MYOM2: variants seen among roughly 807,000 people sequenced by gnomAD.
The protein encoded by MYOM2 is myomesin-2.
In MYOM2, 254 loss-of-function variants were observed where a neutral mutation model predicts 187.6. The ratio of observed to expected loss-of-function variants is 1.35; its 90% CI spans 1.22 to 1.50. The LOEUF (loss-of-function observed/expected upper bound fraction) is 1.50, where lower values mean the gene tolerates loss of function less well. MYOM2 is among the 40% of genes most tolerant of loss of function. The pLI is 0.00. For missense variants in MYOM2, 2,796 were observed against 1,924.0 expected, an observed-to-expected ratio of 1.45 and a Z score of -8.48; for synonymous variants, 981 against 753.8, an observed-to-expected ratio of 1.30 and a Z score of -4.94.
chr8:2,065,317 TC>T (rs1818981265), intron 6 of MYOM2, among the ~76,000 whole-genome samples: 1 of 152,158 alleles, frequency 6.6e-6, no homozygotes, highest in African/African-American at 2.4e-5. Context: ...ATGCCTGTAA[TC>T]CCAGCATGTT....
chr8:2,075,148 T>A (rs1819374409), intron 10 of MYOM2, among the ~76,000 whole-genome samples: 1 of 152,142 alleles, frequency 6.6e-6, no homozygotes, highest in African/African-American at 2.4e-5. Context: ...ACCAAACGTA[T>A]CTCACCCTCC....
intron 25 of MYOM2, among the ~76,000 whole-genome samples, chr8:2,114,014 G>A (rs1254647524): frequency 6.6e-6 from 1 of 152,168 alleles, no homozygotes; most frequent in Admixed American, 6.5e-5. Context: ...AGGGCAGGGT[G>A]CTATTGGGGG....
At chr8:2,102,564 T>G in intron 20 of MYOM2, 103 bp from the exon 21 acceptor site, 3 of 663,564 alleles carry the variant, frequency 4.5e-6, no homozygotes, top group Non-Finnish European at 7.7e-6. Flanking sequence ...ACTGGAAAAA[T>G]AAGCTATTTT....
At chr8:2,140,492 A>G (rs929263145) in intron 32 of MYOM2, among the ~76,000 whole-genome samples, 1 of 152,252 alleles carries the variant, frequency 6.6e-6, no homozygotes, top group African/African-American at 2.4e-5. Context: ...TGACAAGTAT[A>G]TATTACATAA....
At chr8:2,108,542 A>C (rs191262206) in intron 23 of MYOM2, among the ~76,000 whole-genome samples, 13 of 152,056 alleles carry the variant, frequency 8.5e-5, no homozygotes, top group Non-Finnish European at 1.8e-4. Flanking sequence ...CCTGCCCCCA[A>C]TTCCTTTGTC....
At chr8:2,091,768 A>G (rs1550454) in intron 15 of MYOM2, among the ~76,000 whole-genome samples, 129,097 of 152,174 alleles carry the variant, frequency 0.85, 55,232 homozygotes, top group South Asian at 0.94. Flanking sequence ...ACACATATGA[A>G]AAATGACAGT....
At chr8:2,049,990 C>G (rs776995935) in intron 1 of MYOM2, among the ~76,000 whole-genome samples, 3 of 152,216 alleles carry the variant, frequency 2.0e-5, no homozygotes, top group African/African-American at 4.8e-5. Flanking sequence ...CCTGCTACGC[C>G]TGTCTACCGT....
At chr8:2,140,620 C>T (rs964513854) in intron 32 of MYOM2, 103 bp from the exon 33 acceptor site, 1 of 1,135,058 alleles carries the variant, frequency 8.8e-7, no homozygotes, top group Non-Finnish European at 1.2e-6. Flanking sequence ...TTGGCATCAG[C>T]AGCTTAGAGA....
intron 19 of MYOM2, among the ~76,000 whole-genome samples, chr8:2,099,688 G>A (rs557968681): frequency 1.3e-5 from 2 of 152,308 alleles, no homozygotes; most frequent in South Asian, 2.1e-4. Context: ...ATGAGTAGCT[G>A]GGGCCACAGG....
chr8:2,138,198 G>T (rs530762114), intron 32 of MYOM2, among the ~76,000 whole-genome samples: 23 of 152,208 alleles, frequency 1.5e-4, no homozygotes, highest in Non-Finnish European at 2.9e-4. Flanking sequence ...TGGCAAGTCC[G>T]TGTTGCCTTT....
At position 2,058,167 on chromosome 8, in the gene MYOM2, C is replaced by T. The variant is rs3779861; in HGVS notation, c.560+387C>T. Among the ~76,000 whole-genome samples the T allele has an allele frequency of 1.7e-3, 258 of 151,800 alleles. No individual in the cohort carries two copies. In the East Asian group the frequency reaches 0.026, roughly 15 times the overall value. On this transcript the variant is annotated intron_variant, in intron 5 of 36. Transcript: ENST00000262113. ...CTGAGTAGCTGGGACCACAGGTGTA[C>T]GCCACCACGCCTGGCTAATTTTTGT...
intron 17 of MYOM2, 80 bp from the exon 18 acceptor site, chr8:2,096,167 G>A: frequency 7.0e-7 from 1 of 1,426,230 alleles, no homozygotes; most frequent in South Asian, 1.3e-5. Flanking sequence ...TCCTCCCTCT[G>A]CCACACTGGA....
At chr8:2,140,954 G>A (rs1798254277) in intron 33 of MYOM2, 68 bp downstream of exon 33, 1 of 1,482,502 alleles carries the variant, frequency 6.7e-7, no homozygotes, top group African/African-American at 1.4e-5. Flanking sequence ...CTGAAGGGAG[G>A]GAATACAATA....
intron 13 of MYOM2, 145 bp downstream of exon 13, chr8:2,079,758 C>T (rs979748417): frequency 2.3e-5 from 20 of 860,914 alleles, no homozygotes; most frequent in Admixed American, 2.3e-4. Flanking sequence ...GCCTGCAAGC[C>T]CAGTGTCCAT....
intron 21 of MYOM2, among the ~76,000 whole-genome samples, chr8:2,104,384 C>T (rs1057100613): frequency 6.6e-6 from 1 of 152,060 alleles, no homozygotes; most frequent in Admixed American, 6.6e-5. Context: ...GGGCGGATCA[C>T]GAGGTCAGGA....
At chr8:2,101,245 C>T (rs1264867342) in intron 20 of MYOM2, among the ~76,000 whole-genome samples, 191 bp downstream of exon 20, 10 of 152,110 alleles carry the variant, frequency 6.6e-5, no homozygotes, top group Non-Finnish European at 1.2e-4. Context: ...CCCAGCTACT[C>T]GGGAAGCTGA....
rs573150896 is a variant in MYOM2 at position 2,070,608 on chromosome 8, C to G, written c.793+1111C>G. 3.5e-5 allele frequency among the ~76,000 whole-genome samples: 5 copies of G among 143,322 alleles called. No homozygotes were observed. The South Asian group carries it at 1.2e-3, about 34-fold the overall frequency. 94.0% of individuals were successfully genotyped at this position (143,322 alleles called of 152,430 possible). ...GCAGGTCCTGGCAGTCACCTGGTCC[C>G]ATCCCGGGGTTTCTCCTATCTATTA... On this transcript the variant is annotated intron_variant, in intron 8 of 36. Coordinates refer to ENST00000262113, the MANE Select transcript of MYOM2 (RefSeq NM_003970.4).
At chr8:2,095,733 C>T (rs779231547) in intron 17 of MYOM2, among the ~76,000 whole-genome samples, 8 of 152,140 alleles carry the variant, frequency 5.3e-5, no homozygotes, top group Non-Finnish European at 8.8e-5. Context: ...GAAGGCGGTC[C>T]GTTTCAAATG....
intron 13 of MYOM2, among the ~76,000 whole-genome samples, chr8:2,082,544 C>A (rs887372268): frequency 6.6e-6 from 1 of 152,158 alleles, no homozygotes; most frequent in Non-Finnish European, 1.5e-5. Context: ...CCATTTTAAT[C>A]TTGGGCAATG....
Sources: gnomAD v4.1 joint callset for allele counts (sites outside exome capture counted in the v4.1 genomes callset) on GRCh38, gnomAD v4.1.1 for gene constraint, MANE v1.5 for transcripts, NCBI Gene and HGNC (gene_info 2026-07-23, HGNC 2026-07-21) for gene names.